VNN2: variants seen among roughly 807,000 people sequenced by gnomAD.
VNN2 encodes pantetheine hydrolase VNN2.
Under a neutral mutation model 43.0 loss-of-function variants are expected in VNN2, and 43 were observed. The ratio of observed to expected loss-of-function variants is 1.00; its 90% CI spans 0.78 to 1.29. The LOEUF (loss-of-function observed/expected upper bound fraction) is 1.29. Ranked by LOEUF, VNN2 falls within the 50% of genes most tolerant of loss-of-function variation. The probability of loss-of-function intolerance (pLI) is 0.00; values close to 1 mark genes in which losing one functional copy is unlikely to be tolerated. For synonymous variants in VNN2, 230 were observed against 224.3 expected (o/e 1.03, Z -0.23); for missense variants, 652 against 619.7 (o/e 1.05, Z -0.55).
intron 3 of VNN2, chr6:132,753,845 CAGGAG>C: frequency 6.5e-6 from 1 of 154,674 alleles, no homozygotes; most frequent in Non-Finnish European, 1.4e-5. Flanking sequence ...CCCAGCTACT[CAGGAG>C]GCTGAGGCAG....
Position 132,755,875 on chromosome 6 carries a change from T to G in VNN2, c.505A>C (p.Thr169Pro), listed in dbSNP as rs563034797. ...FQYNTNVVYN[T>P]EGKLVARYHK... ...TAACGTGCCACGAGTTTTCCTTCTG[T>G]ATTATACACCACATTGGTATTGTAT... is the stretch of plus-strand genomic sequence containing the variant. The change falls in exon 3 of 7, where the codon ACA becomes CCA. Residue 169 changes from threonine to proline, a missense_variant. Transcript: ENST00000326499. The G allele has an allele frequency of 3.1e-6, 5 of 1,613,752 alleles. No homozygotes were observed. Among genetic ancestry groups the G allele is most frequent in the Non-Finnish European group, 3.4e-6 (4 of 1,179,940 alleles).
chr6:132,749,866 C>T lies in VNN2; in HGVS notation c.1201-1G>A. 6.2e-7 allele frequency: 1 copy of T among 1,610,240 alleles called. No homozygotes were observed. ...TTTTGCACTTCAGCAGTGTGCAGAC[C>T]TATGTGGAACAAACGCAGATAAAAC... On this transcript the variant is annotated splice_acceptor_variant, in intron 5 of 6. Transcript: ENST00000326499. LOFTEE classifies it high-confidence loss of function.
intron 6 of VNN2, among the ~76,000 whole-genome samples, chr6:132,749,214 C>A (rs979138518): frequency 6.6e-6 from 1 of 152,110 alleles, no homozygotes; most frequent in Non-Finnish European, 1.5e-5. Flanking sequence ...ATTTCTCTAC[C>A]ATTTGAATCA....
At position 132,755,985 on chromosome 6, in the gene VNN2, T is replaced by A; in HGVS notation, c.395A>T (p.Asn132Ile). 1 of 1,614,060 alleles carries A rather than the reference T, an allele frequency of 6.2e-7. No homozygotes were observed. Among genetic ancestry groups the A allele is most frequent in the Non-Finnish European group, 8.5e-7 (1 of 1,179,980 alleles). The change falls in exon 3 of 7, where the codon AAC becomes ATC. Residue 132 changes from asparagine to isoleucine, a missense_variant. By Grantham distance (149) the Asn-to-Ile change is moderately radical. Transcript: ENST00000326499. ...CAAATTTGCCAAGACATAGATAGAG[T>A]TGTCCTTGGCCAGGCAGCTGAGTCT... is the stretch of plus-strand genomic sequence containing the variant. ...QARLSCLAKDNSIYVLANLGD... is the reference protein window; with the variant it reads ...QARLSCLAKDISIYVLANLGD...
At chr6:132,759,161 G>T (rs1341131393), upstream of VNN2, among the ~76,000 whole-genome samples, 2 of 152,078 alleles carry the variant, frequency 1.3e-5, no homozygotes, top group African/African-American at 4.8e-5. Flanking sequence ...AACAGGCCAG[G>T]TGCAGTGGCT....
upstream of VNN2, among the ~76,000 whole-genome samples, chr6:132,758,643 T>C (rs1423156612): frequency 1.3e-5 from 2 of 152,122 alleles, no homozygotes; most frequent in African/African-American, 4.8e-5. Context: ...TTACATTGTG[T>C]TTATTTTTAG....
chr6:132,755,822 A>G, intron 3 of VNN2, 21 bp downstream of exon 3: 1 of 1,589,240 alleles, frequency 6.3e-7, no homozygotes. Flanking sequence ...TCCATTTTAC[A>G]CGTCCGTCAC....
chr6:132,755,797 C>A, intron 3 of VNN2, 46 bp downstream of exon 3: 1 of 1,538,818 alleles, frequency 6.5e-7, no homozygotes. Flanking sequence ...CCAGCATTGA[C>A]CACTCACAAC....
rs1369806271 is a variant in VNN2, at chr6:132,751,535, A to T, written c.827-17T>A. 6.3e-7 allele frequency: 1 copy of T among 1,586,620 alleles called. No individual in the cohort carries two copies. Among genetic ancestry groups the T allele is most frequent in the Non-Finnish European group, 8.6e-7 (1 of 1,167,142 alleles). On this transcript the variant is annotated splice_polypyrimidine_tract_variant and intron_variant, in intron 4 of 6. Transcript: ENST00000326499. ...TACCACTTCCTGTGAATGAAAGACA[A>T]GTCTTCTAAAAACAACACCACACAC...
chr6:132,752,638 A>C lies in VNN2; in HGVS notation c.649T>G (p.Tyr217Asp). The C allele has an allele frequency of 6.2e-7, 1 of 1,614,214 alleles. No individual in the cohort carries two copies. The highest frequency in any genetic ancestry group is 8.5e-7 in the Non-Finnish European group (1 of 1,180,030). Reference sequence around the variant, plus strand: ...TTCACCAGGGTAACACCAGGATCATAGAAGAATATATCAAAGCACGTGAAA... The same window carrying C: ...TTCACCAGGGTAACACCAGGATCATCGAAGAATATATCAAAGCACGTGAAA... ...GIFTCFDIFF[Y>D]DPGVTLVKDF... Residue 217 changes from tyrosine (Y) to aspartate (D), a missense_variant, in exon 4 of 7, where the codon TAT (tyrosine) becomes GAT (aspartate). Coordinates refer to ENST00000326499, the MANE Select transcript of VNN2 (RefSeq NM_004665.6).
At position 132,752,714 on chromosome 6, in the gene VNN2, A is replaced by G. The variant is rs1299750091; in HGVS notation, c.573T>C (p.Pro191=). 1 of 1,614,138 alleles carries G rather than the reference A, an allele frequency of 6.2e-7. No homozygotes were observed. The highest frequency in any genetic ancestry group is 1.1e-5 in the South Asian group (1 of 91,084). The change falls in exon 4 of 7, where the codon CCT becomes CCC. Residue 191 remains proline (P), a synonymous_variant. Coordinates refer to ENST00000326499, the MANE Select transcript of VNN2 (RefSeq NM_004665.6). ...HLYSEPQFNV[P]EKPELVTFNT... ...TGAAAGTCACCAACTCCGGCTTTTC[A>G]GGGACATTAAACTGAGGCTCAGAGT...
chr6:132,762,288 A>G (rs1011190727), upstream of VNN2, among the ~76,000 whole-genome samples: 5 of 152,202 alleles, frequency 3.3e-5, no homozygotes, highest in African/African-American at 1.2e-4. Flanking sequence ...TGAATGCAAA[A>G]TGACAAGTGA....
rs1779612483 is a variant in VNN2 at position 132,744,591 on chromosome 6, A to G, written c.1372-100T>C. ...CATCCTAGATATAATGTATAGTCAA[A>G]TCATTTCTGATTTAGGAGGATGCAG... On this transcript the variant is annotated intron_variant, in intron 6 of 6. Transcript: ENST00000326499. 2.5e-6 allele frequency: 3 copies of G among 1,196,354 alleles called. No individual in the cohort carries two copies. The East Asian group carries it at 8.6e-5, about 34-fold the overall frequency. The allele number at this position is 1,196,354 out of a possible 1,614,324, so 74.1% of individuals were successfully genotyped here. A position where few individuals can be genotyped will look rare whatever the true frequency, so the allele number is the denominator to read the frequency against.
At chr6:132,752,113 G>A (rs560115469) in intron 4 of VNN2, among the ~76,000 whole-genome samples, 34 of 152,324 alleles carry the variant, frequency 2.2e-4, no homozygotes, top group Middle Eastern at 3.4e-3. Context: ...CATAGGAGGA[G>A]ACAAAGGGCA....
Position 132,752,634 on chromosome 6 carries a change from T to A in VNN2, c.653A>T (p.Asp218Val). 6.2e-7 allele frequency: 1 copy of A among 1,614,094 alleles called. No individual in the cohort carries two copies. The highest frequency in any genetic ancestry group is 8.5e-7 in the Non-Finnish European group (1 of 1,180,020). Reference protein sequence around the residue: ...IFTCFDIFFYDPGVTLVKDFH... With the variant: ...IFTCFDIFFYVPGVTLVKDFH... ...ATCTTTCACCAGGGTAACACCAGGATCATAGAAGAATATATCAAAGCACGT... is the reference window on the plus strand; with the variant it reads ...ATCTTTCACCAGGGTAACACCAGGAACATAGAAGAATATATCAAAGCACGT... The change falls in exon 4 of 7, where the codon GAT becomes GTT. Residue 218 changes from aspartate to valine, a missense_variant. Physicochemically the swap from Asp to Val is radical, Grantham distance 152 (BLOSUM62 -3). Transcript: ENST00000326499.
intron 1 of VNN2, among the ~76,000 whole-genome samples, chr6:132,762,996 T>C (rs939950846): frequency 6.6e-6 from 1 of 152,206 alleles, no homozygotes; most frequent in Admixed American, 6.5e-5. Flanking sequence ...CCACCCACTA[T>C]GCCAGTCTAT....
At chr6:132,758,459 C>A (rs947757639), upstream of VNN2, among the ~76,000 whole-genome samples, 4 of 152,240 alleles carry the variant, frequency 2.6e-5, no homozygotes, top group Admixed American at 2.6e-4. Context: ...ACTATTAGTA[C>A]TAAGATTTAA....
rs376801866 is a variant in VNN2, at chr6:132,752,768, A to G, written c.538-19T>C. The G allele has an allele frequency of 1.2e-5, 19 of 1,595,964 alleles. No homozygotes were observed. The African/African-American group carries it at 2.6e-4, about 22-fold the overall frequency. On this transcript the variant is annotated intron_variant, in intron 3 of 6. Coordinates refer to ENST00000326499, the MANE Select transcript of VNN2 (RefSeq NM_004665.6). ...GGTGGTACTACAACAAATGGATAGG[A>G]GAAAACCAGTAAAACCTTATTTGTT...
chr6:132,756,673 G>A (rs1202092752), intron 2 of VNN2, among the ~76,000 whole-genome samples: 1 of 152,186 alleles, frequency 6.6e-6, no homozygotes, highest in African/African-American at 2.4e-5. Context: ...CTCTTCTGCT[G>A]ATTCCTCGTT....
Sources: allele counts gnomAD v4.1 joint callset (sites outside exome capture counted in the v4.1 genomes callset), GRCh38; gene constraint gnomAD v4.1.1; transcripts MANE v1.5; gene names NCBI Gene and HGNC (gene_info 2026-07-23, HGNC 2026-07-21).